Variants in ZNF541 observed in about 807,000 individuals in gnomAD.
ZNF541 encodes the protein zinc finger protein 541.
ZNF541 carries 23 observed loss-of-function variants against 123.5 expected under a neutral mutation model. That is an observed-to-expected ratio of 0.19 (90% CI 0.13 to 0.26). The LOEUF (loss-of-function observed/expected upper bound fraction) is 0.26. ZNF541 is among the 10% of genes least tolerant of loss of function. The probability of loss-of-function intolerance (pLI) is 1.00; values close to 1 mark genes in which losing one functional copy is unlikely to be tolerated. For synonymous variants in ZNF541, 751 were observed against 754.5 expected (o/e 1.00, Z 0.08); for missense variants, 1,612 against 1,789.9 (o/e 0.90, Z 1.79).
At chr19:47,565,354 G>C (rs1568523866) in intron 2 of ZNF541, among the ~76,000 whole-genome samples, 1 of 152,124 alleles carries the variant, frequency 6.6e-6, no homozygotes, top group Non-Finnish European at 1.5e-5. Flanking sequence ...CAGTACATCT[G>C]GATCATTAGA....
At chr19:47,554,767 T>C (rs1970743438) in intron 3 of ZNF541, among the ~76,000 whole-genome samples, 1 of 152,172 alleles carries the variant, frequency 6.6e-6, no homozygotes, top group Non-Finnish European at 1.5e-5. Context: ...TTTCTGAACA[T>C]TATTCCCTAG....
chr19:47,533,545 TAA>T (rs1018652814), intron 9 of ZNF541, among the ~76,000 whole-genome samples: 1 of 151,408 alleles, frequency 6.6e-6, no homozygotes, highest in African/African-American at 2.4e-5. Flanking sequence ...AAATATTCAT[TAA>T]AAAAAATCAA....
chr19:47,544,121 G>GGTA lies in ZNF541; in HGVS notation c.2403+2_2403+4dup. On this transcript the variant is annotated splice_donor_region_variant and intron_variant, in intron 5 of 16. Transcript: ENST00000391901. ...TGGTCAGGCCACGTGAGAGAGAGCT[G>GGTA]GTACCTGGATTCTGCTGAATATTGT... is the stretch of plus-strand genomic sequence containing the variant. 1 of 1,541,538 alleles carries GGTA rather than the reference G, an allele frequency of 6.5e-7. No individual in the cohort carries two copies. The highest frequency in any genetic ancestry group is 1.2e-5 in the South Asian group (1 of 83,600).
Position 47,521,580 on chromosome 19 carries a change from C to A in ZNF541, c.3786G>T (p.Glu1262Asp). 1 of 1,551,736 alleles carries A rather than the reference C, an allele frequency of 6.4e-7. No homozygotes were observed. The change falls in exon 16 of 17, where the codon GAG (glutamate) becomes GAT (aspartate). Residue 1262 changes from glutamate (E) to aspartate (D), a missense_variant. This residue lies in a region of ZNF541 where 285 missense variants were observed against 407.3 expected (regional missense o/e 0.70). Transcript: ENST00000391901. This position sits in a 1 kb window ranked among gnomAD's most constrained non-coding sequence, Gnocchi z 4.2. ...CATTTGGGCTGGAGCTGAGGATGGACTCCCTCCTATAACTCTTGGTCTTTA... is the reference window on the plus strand; with the variant it reads ...CATTTGGGCTGGAGCTGAGGATGGAATCCCTCCTATAACTCTTGGTCTTTA... The part of the protein sequence containing the change: ...PKLKTKSYRR[E>D]SILSSSPNAG...
At chr19:47,529,533 G>A (rs1215813655) in intron 13 of ZNF541, 44 bp downstream of exon 13, 3 of 1,540,342 alleles carry the variant, frequency 1.9e-6, no homozygotes, top group Non-Finnish European at 2.6e-6. Flanking sequence ...GATTCATAGG[G>A]GTCTCAGCTG....
intron 12 of ZNF541, 124 bp downstream of exon 12, chr19:47,531,518 G>T: frequency 1.5e-6 from 1 of 660,418 alleles, no homozygotes; most frequent in South Asian, 2.3e-5. Flanking sequence ...AGCCGCTGTG[G>T]AGGAGGATGG....
chr19:47,555,641 T>A lies in ZNF541; in HGVS notation c.216A>T (p.Leu72Phe). 6.4e-7 allele frequency: 1 copy of A among 1,551,656 alleles called. No homozygotes were observed. The highest frequency in any genetic ancestry group is 8.7e-7 in the Non-Finnish European group (1 of 1,146,998). The change falls in exon 3 of 17, where the codon TTA becomes TTT. Residue 72 changes from leucine (L) to phenylalanine (F), a missense_variant. This residue lies in a region of ZNF541 where 212 missense variants were observed against 289.6 expected (regional missense o/e 0.73). Coordinates refer to ENST00000391901, the MANE Select transcript of ZNF541 (RefSeq NM_001277075.3). Reference protein sequence around the residue: ...DMSSEVLEDNLDTLSLYSGKD... With the variant: ...DMSSEVLEDNFDTLSLYSGKD... ...TCCCGGAGTACAGGGACAAGGTGTCTAAGTTGTCCTCCAGCACCTCGCTGG... is the reference window on the plus strand; with the variant it reads ...TCCCGGAGTACAGGGACAAGGTGTCAAAGTTGTCCTCCAGCACCTCGCTGG...
intron 2 of ZNF541, among the ~76,000 whole-genome samples, chr19:47,562,790 T>C (rs1052822490): frequency 1.3e-5 from 2 of 152,158 alleles, no homozygotes; most frequent in African/African-American, 2.4e-5. Context: ...TTCACCCCCA[T>C]TGCAGCACGT....
In ZNF541 at chr19:47,545,195, G is replaced by C. The variant is rs1394114007; in HGVS notation, c.1334C>G (p.Ser445Cys). 6.6e-7 allele frequency: 1 copy of C among 1,522,270 alleles called. No homozygotes were observed. Among genetic ancestry groups the C allele is most frequent in the Non-Finnish European group, 8.8e-7 (1 of 1,133,260 alleles). The allele number at this position is 1,522,270 out of a possible 1,614,324, so 94.3% of individuals were successfully genotyped here. A position where few individuals can be genotyped will look rare whatever the true frequency, so the allele number is the denominator to read the frequency against. The change falls in exon 5 of 17, where the codon TCC (serine) becomes TGC (cysteine). Residue 445 changes from serine (S) to cysteine (C), a missense_variant. By Grantham distance (112) the Ser-to-Cys change is moderately radical. Transcript: ENST00000391901. This position sits in a 1 kb window ranked among gnomAD's most constrained non-coding sequence, Gnocchi z 7.5. ...KPSAVPSREGSESGPGPSSGS... is the reference protein window; with the variant it reads ...KPSAVPSREGCESGPGPSSGS... ...GCTGCTGGGTCCCGGGCCAGACTCGGAGCCCTCCCGCGAGGGCACGGCCGA... is the reference window on the plus strand; with the variant it reads ...GCTGCTGGGTCCCGGGCCAGACTCGCAGCCCTCCCGCGAGGGCACGGCCGA...
chr19:47,538,622 C>T (rs371582842), intron 8 of ZNF541, 183 bp from the exon 9 acceptor site: 20 of 580,020 alleles, frequency 3.4e-5, no homozygotes, highest in South Asian at 1.3e-4. Context: ...GGCGATGATC[C>T]GGCTGCAGCC....
intron 5 of ZNF541, among the ~76,000 whole-genome samples, chr19:47,543,204 T>C (rs555157028): frequency 6.8e-4 from 104 of 152,236 alleles, no homozygotes; most frequent in African/African-American, 2.3e-3. Context: ...TGTGGTATGA[T>C]GGGAAGCTAC....
chr19:47,571,141 C>T (rs1275544415), intron 2 of ZNF541, among the ~76,000 whole-genome samples: 2 of 150,248 alleles, frequency 1.3e-5, no homozygotes, highest in African/African-American at 2.5e-5. Context: ...GAGACGGAGT[C>T]TCGCTCTGTT....
chr19:47,539,517 G>T (rs941777580), intron 8 of ZNF541, among the ~76,000 whole-genome samples, 188 bp downstream of exon 8: 10 of 151,928 alleles, frequency 6.6e-5, no homozygotes, highest in African/African-American at 2.2e-4. Context: ...GCCCAGGCTG[G>T]TCTCGAATAC....
chr19:47,545,866 G>A lies in ZNF541; in HGVS notation c.663C>T (p.His221=), dbSNP rs1403517450. The change falls in exon 5 of 17, where the codon CAC becomes CAT. Residue 221 remains histidine, a synonymous_variant. Coordinates refer to ENST00000391901, the MANE Select transcript of ZNF541 (RefSeq NM_001277075.3). This position sits in a 1 kb window ranked among gnomAD's most constrained non-coding sequence, Gnocchi z 7.5. ...GGGCTTCCTTCAGGATGCACAGGCC[G>A]TGATGGACCTCGTAGTGCCGGCGCA... The part of the protein sequence containing the change: ...RSLRRHYEVH[H]GLCILKEAPP... The A allele has an allele frequency of 2.5e-5, 39 of 1,549,578 alleles. No homozygotes were observed. Among genetic ancestry groups the A allele is most frequent in the Non-Finnish European group, 1.6e-5 (18 of 1,146,410 alleles).
At chr19:47,553,402 CTAAT>C (rs573922114) in intron 3 of ZNF541, among the ~76,000 whole-genome samples, 1,580 of 143,658 alleles carry the variant, frequency 0.011, 30 homozygotes, top group African/African-American at 0.038. Flanking sequence ...CCATGCCAGG[CTAAT>C]TCTTTTTTTT....
At chr19:47,562,857 C>T (rs1971119117) in intron 2 of ZNF541, among the ~76,000 whole-genome samples, 1 of 152,156 alleles carries the variant, frequency 6.6e-6, no homozygotes, top group Admixed American at 6.6e-5. Flanking sequence ...GGAGAGACCA[C>T]ATTTTGTTTA....
intron 1 of ZNF541, among the ~76,000 whole-genome samples, chr19:47,572,723 C>G (rs1971519199): frequency 7.5e-6 from 1 of 132,572 alleles, no homozygotes; most frequent in South Asian, 2.4e-4. Flanking sequence ...GGGTAGGGCC[C>G]GCGGCGCGAG....
intron 2 of ZNF541, among the ~76,000 whole-genome samples, chr19:47,563,573 T>C (rs1300233236): frequency 6.6e-6 from 1 of 152,148 alleles, no homozygotes; most frequent in Admixed American, 6.6e-5. Flanking sequence ...CATCTCCCCC[T>C]GCATCTCCCA....
Position 47,544,948 on chromosome 19 carries a change from T to C in ZNF541, c.1581A>G (p.Ala527=). 6.5e-7 allele frequency: 1 copy of C among 1,535,082 alleles called. No homozygotes were observed. Among genetic ancestry groups the C allele is most frequent in the Non-Finnish European group, 8.7e-7 (1 of 1,146,520 alleles). ...GEPGLQEAQK[A]GGLPADASPL... is the part of the protein sequence containing the mutation. ...GCGAGGCATCCGCAGGGAGCCCGCC[T>C]GCCTTCTGGGCCTCCTGGAGGCCGG... Residue 527 remains alanine (A), a synonymous_variant, in exon 5 of 17, where the codon GCA becomes GCG. Coordinates refer to ENST00000391901, the MANE Select transcript of ZNF541 (RefSeq NM_001277075.3).
Sources: gnomAD v4.1 joint callset for allele counts (sites outside exome capture counted in the v4.1 genomes callset) on GRCh38, gnomAD v4.1.1 for gene constraint, gnomAD v4.1.1 regional missense constraint, Gnocchi (gnomAD v3.1) non-coding constraint, MANE v1.5 for transcripts, NCBI Gene and HGNC (gene_info 2026-07-23, HGNC 2026-07-21) for gene names.